Variants in DSE observed in about 807,000 individuals in gnomAD.
The protein encoded by DSE is dermatan sulfate epimerase.
Under a neutral mutation model 84.4 loss-of-function variants are expected in DSE, and 36 were observed. The ratio of observed to expected loss-of-function variants is 0.43; its 90% CI spans 0.33 to 0.56. The LOEUF is 0.56. DSE is among the 20% of genes least tolerant of loss of function. The pLI is 0.06. For missense variants in DSE, 862 were observed against 1,169.6 expected (o/e 0.74, Z 3.84); for synonymous variants, 410 against 430.1 (o/e 0.95, Z 0.58).
intron 2 of DSE, among the ~76,000 whole-genome samples, chr6:116,316,852 AC>A: frequency 6.6e-6 from 1 of 151,086 alleles, no homozygotes; most frequent in African/African-American, 2.4e-5. Context: ...TATTATTATT[AC>A]TGCTACTACT....
intron 2 of DSE, among the ~76,000 whole-genome samples, chr6:116,331,442 T>C (rs996903443): frequency 1.3e-5 from 2 of 152,136 alleles, no homozygotes; most frequent in South Asian, 2.1e-4. Context: ...TCAGATCTCA[T>C]GAGAAGTCAC....
chr6:116,387,161 A>G (rs1780628190), intron 1 of DSE, among the ~76,000 whole-genome samples: 1 of 152,124 alleles, frequency 6.6e-6, no homozygotes, highest in African/African-American at 2.4e-5. Context: ...AGAGAAACTA[A>G]CCCACAAGTA....
chr6:116,291,328 T>C (rs888237072), intron 2 of DSE, among the ~76,000 whole-genome samples: 2 of 151,966 alleles, frequency 1.3e-5, no homozygotes, highest in Non-Finnish European at 2.9e-5. Context: ...ATAAGAGAGC[T>C]TGGTAAGAAT....
In DSE at chr6:116,441,883, G is replaced by A. The variant is rs1784438810; in HGVS notation, c.*4538G>A. The A allele has an allele frequency of 6.6e-6, 1 of 152,160 alleles. No homozygotes were observed. The allele number at this position is 152,160 out of a possible 1,614,324, so 9.4% of individuals were successfully genotyped here. ...TATTGTTTTAGGAACTGAAGATATGGTAGAGAATAGGAATAATAAAAGCTG... is the reference window on the plus strand; with the variant it reads ...TATTGTTTTAGGAACTGAAGATATGATAGAGAATAGGAATAATAAAAGCTG... On this transcript the variant is annotated 3_prime_UTR_variant, in exon 6 of 6. Transcript: ENST00000644252.
chr6:116,368,556 A>C (rs1779299725), upstream of DSE, among the ~76,000 whole-genome samples: 1 of 152,262 alleles, frequency 6.6e-6, no homozygotes, highest in Non-Finnish European at 1.5e-5. Flanking sequence ...TGATTCTCCA[A>C]CTAAACTTTT....
In DSE at chr6:116,416,164, G is replaced by A. The variant is rs76228526; in HGVS notation, c.417-10410G>A. ...CTCTCTCCGACTACAGCCAAGAAAG[G>A]TTCTTTGCTTTTAAGGACCCGTGTG... On this transcript the variant is annotated intron_variant, in intron 2 of 5. Coordinates refer to ENST00000644252, the MANE Select transcript of DSE (RefSeq NM_013352.4). Among the ~76,000 whole-genome samples, 6 of 152,262 alleles carry A rather than the reference G, an allele frequency of 3.9e-5. No homozygotes were observed. The East Asian group carries it at 5.8e-4, about 15-fold the overall frequency.
At chr6:116,421,622 C>T (rs1478691498) in intron 2 of DSE, among the ~76,000 whole-genome samples, 1 of 151,036 alleles carries the variant, frequency 6.6e-6, no homozygotes, top group Non-Finnish European at 1.5e-5. Flanking sequence ...CAGGTGCATG[C>T]CACCAGGCCC....
At chr6:116,257,010 G>T (rs1457641993) in intron 1 of DSE, among the ~76,000 whole-genome samples, 1 of 152,156 alleles carries the variant, frequency 6.6e-6, no homozygotes, top group Non-Finnish European at 1.5e-5. Flanking sequence ...TTTAATGGAA[G>T]TTCAAACATA....
At position 116,389,275 on chromosome 6, in the gene DSE, T is replaced by G. The variant is rs79208720; in HGVS notation, c.-53-9923T>G. ...TTTTACAGAGGAGGAAACAGGAACGTAGGTAAGGATGTGATGATGCTAGGA... is the reference window on the plus strand; with the variant it reads ...TTTTACAGAGGAGGAAACAGGAACGGAGGTAAGGATGTGATGATGCTAGGA... On this transcript the variant is annotated intron_variant, in intron 1 of 5. Coordinates refer to ENST00000644252, the MANE Select transcript of DSE (RefSeq NM_013352.4). 4.0e-3 allele frequency among the ~76,000 whole-genome samples: 616 copies of G among 152,174 alleles called. 4 individuals carry two copies. The highest frequency in any genetic ancestry group is 0.014 in the African/African-American group (571 of 41,514).
upstream of DSE, chr6:116,370,518 T>C (rs1346145653): frequency 2.0e-6 from 2 of 985,460 alleles, no homozygotes; most frequent in Non-Finnish European, 2.4e-6. Context: ...CTTAACGTCT[T>C]CCTCGCTTTC....
chr6:116,279,623 C>T lies in DSE; in HGVS notation c.-54+20656C>T, dbSNP rs1773374402. ...CCACGGCCCGCGGCATCCTGGGGTA[C>T]GCCCCCCTCCTCTGAAGGCGGTGGA... On this transcript the variant is annotated intron_variant, in intron 2 of 3. Transcript: ENST00000430252. 6.2e-7 allele frequency: 1 copy of T among 1,603,194 alleles called. No homozygotes were observed. Among genetic ancestry groups the T allele is most frequent in the Non-Finnish European group, 8.5e-7 (1 of 1,179,828 alleles).
In DSE at chr6:116,419,459, G is replaced by T. The variant is rs186543096; in HGVS notation, c.417-7115G>T. On this transcript the variant is annotated intron_variant, in intron 2 of 5. Transcript: ENST00000644252. ...AAGGTGTTTGGTTGAAAGTTAAATG[G>T]TTTTCTATCAAGTTACTGTGTTCAG... Among the ~76,000 whole-genome samples the T allele has an allele frequency of 6.7e-3, 1,014 of 152,258 alleles. 16 individuals carry two copies. The highest frequency in any genetic ancestry group is 0.021 in the African/African-American group (892 of 41,546).
Position 116,437,157 on chromosome 6 carries a change from T to C in DSE, c.2689T>C (p.Ser897Pro). 1 of 1,614,176 alleles carries C rather than the reference T, an allele frequency of 6.2e-7. No homozygotes were observed. The highest frequency in any genetic ancestry group is 1.1e-5 in the South Asian group (1 of 91,088). ...TTTHSRAPSL[S>P]ASYTRLFLIL... ...TACACACAGCAGGGCCCCATCACTGTCTGCTTCCTATACCAGGTTGTTCCT... is the reference window on the plus strand; with the variant it reads ...TACACACAGCAGGGCCCCATCACTGCCTGCTTCCTATACCAGGTTGTTCCT... The change falls in exon 6 of 6, where the codon TCT (serine) becomes CCT (proline). Residue 897 changes from serine to proline, a missense_variant. Physicochemically the swap from Ser to Pro is moderately conservative, Grantham distance 74 (BLOSUM62 -1). Transcript: ENST00000644252.
rs1161315740 is a variant in DSE at position 116,433,557 on chromosome 6, C to T, written c.1118+7C>T. On this transcript the variant is annotated splice_region_variant and intron_variant, in intron 5 of 5. Transcript: ENST00000644252. ...TGCACACAGAATTTCTCTGGTATGA[C>T]ACATTGGGCTAGCTTTAAAGAGAAA... 6.9e-6 allele frequency: 11 copies of T among 1,587,426 alleles called. No homozygotes were observed. Among genetic ancestry groups the T allele is most frequent in the Non-Finnish European group, 8.6e-6 (10 of 1,165,284 alleles).
chr6:116,429,570 T>C (rs1396807580), intron 3 of DSE, among the ~76,000 whole-genome samples: 2 of 152,088 alleles, frequency 1.3e-5, no homozygotes, highest in African/African-American at 4.8e-5. Context: ...GCGTTTCTGT[T>C]TTGGGGCAAT....
At chr6:116,434,044 A>G (rs575113088) in intron 5 of DSE, among the ~76,000 whole-genome samples, 2 of 152,342 alleles carry the variant, frequency 1.3e-5, no homozygotes, top group Admixed American at 1.3e-4. Context: ...TAAATGGAGC[A>G]TTATAATCTT....
intron 2 of DSE, among the ~76,000 whole-genome samples, chr6:116,301,609 T>G (rs1363836101): frequency 2.6e-5 from 4 of 152,216 alleles, no homozygotes; most frequent in African/African-American, 9.6e-5. Flanking sequence ...ACCGCCTCAA[T>G]GGCTGAGTAG....
chr6:116,270,832 G>A (rs1772848433), intron 2 of DSE, among the ~76,000 whole-genome samples: 1 of 152,172 alleles, frequency 6.6e-6, no homozygotes, highest in South Asian at 2.1e-4. Flanking sequence ...TGTCTTAGCT[G>A]GAAATGAGAA....
In DSE at chr6:116,433,562, TG is replaced by T; in HGVS notation, c.1118+15del. 6.3e-7 allele frequency: 1 copy of T among 1,586,800 alleles called. No homozygotes were observed. Among genetic ancestry groups the T allele is most frequent in the Non-Finnish European group, 8.6e-7 (1 of 1,164,900 alleles). Reference sequence around the variant, plus strand: ...ACAGAATTTCTCTGGTATGACACATTGGGCTAGCTTTAAAGAGAAATGGTAC... The same window carrying T: ...ACAGAATTTCTCTGGTATGACACATTGGCTAGCTTTAAAGAGAAATGGTAC... On this transcript the variant is annotated intron_variant, in intron 5 of 5. Transcript: ENST00000644252.
Sources: allele counts gnomAD v4.1 joint callset (sites outside exome capture counted in the v4.1 genomes callset), GRCh38; gene constraint gnomAD v4.1.1; transcripts MANE v1.5; gene names NCBI Gene and HGNC (gene_info 2026-07-23, HGNC 2026-07-21).